Variants in SHISA9 observed in about 807,000 individuals in gnomAD.
SHISA9 encodes protein shisa-9.
Under a neutral mutation model 38.0 loss-of-function variants are expected in SHISA9, and 13 were observed. The ratio of observed to expected loss-of-function variants is 0.34; its 90% CI spans 0.22 to 0.54. SHISA9 has a LOEUF of 0.54. Ranked by LOEUF, SHISA9 falls within the 20% of genes least tolerant of loss-of-function variation. The pLI, the probability that SHISA9 is intolerant of heterozygous loss-of-function variation, is 0.91. For synonymous variants in SHISA9, 275 were observed against 242.0 expected (o/e 1.14, Z -1.27); for missense variants, 538 against 575.8 (o/e 0.93, Z 0.67).
At chr16:13,311,554 A>G in the SHISA9 span, among the ~76,000 whole-genome samples, 1 of 152,194 alleles carries the variant, frequency 6.6e-6, no homozygotes, top group Non-Finnish European at 1.5e-5. Flanking sequence ...GCTTGGGCTG[A>G]GTAATGTTGA....
chr16:12,913,239 C>T (rs1485676536), intron 1 of SHISA9, among the ~76,000 whole-genome samples: 1 of 152,036 alleles, frequency 6.6e-6, no homozygotes, highest in Non-Finnish European at 1.5e-5. Context: ...TCTTGTTGCC[C>T]AGCCTGGAGT....
intron 2 of SHISA9, among the ~76,000 whole-genome samples, chr16:13,171,280 C>T (rs2050683787): frequency 6.6e-6 from 1 of 152,160 alleles, no homozygotes; most frequent in African/African-American, 2.4e-5. Flanking sequence ...GGCCCCACCC[C>T]CAACACTGGG....
At chr16:12,936,456 T>A (rs1430193088) in intron 2 of SHISA9, among the ~76,000 whole-genome samples, 1 of 152,146 alleles carries the variant, frequency 6.6e-6, no homozygotes, top group Non-Finnish European at 1.5e-5. Flanking sequence ...AGTTCAGGGA[T>A]GGGAGAAGGG....
At chr16:13,461,471 C>T in the SHISA9 span, among the ~76,000 whole-genome samples, 6 of 151,826 alleles carry the variant, frequency 4.0e-5, no homozygotes, top group African/African-American at 1.2e-4. Flanking sequence ...CCCAGCTACT[C>T]GTGAGGCTGA....
the SHISA9 span, among the ~76,000 whole-genome samples, chr16:13,532,374 G>T: frequency 1.3e-5 from 2 of 152,100 alleles, no homozygotes; most frequent in Admixed American, 6.6e-5. Flanking sequence ...AGTAAACTTT[G>T]GCAAAAATGA....
At chr16:13,199,851 C>T (rs1170839757) in intron 2 of SHISA9, among the ~76,000 whole-genome samples, 1 of 152,136 alleles carries the variant, frequency 6.6e-6, no homozygotes, top group Non-Finnish European at 1.5e-5. Flanking sequence ...TACTGTATAG[C>T]ACAATGAGCC....
chr16:12,935,068 C>T (rs1464100846), intron 2 of SHISA9, among the ~76,000 whole-genome samples: 3 of 152,108 alleles, frequency 2.0e-5, no homozygotes, highest in Non-Finnish European at 4.4e-5. Flanking sequence ...ACTTGACGGT[C>T]TGATTGGTCC....
At chr16:13,321,339 T>C in the SHISA9 span, among the ~76,000 whole-genome samples, 1 of 152,206 alleles carries the variant, frequency 6.6e-6, no homozygotes, top group African/African-American at 2.4e-5. Context: ...AGCATGTCAA[T>C]AAATGAATGA....
chr16:13,381,364 C>T, the SHISA9 span, among the ~76,000 whole-genome samples: 1 of 152,146 alleles, frequency 6.6e-6, no homozygotes, highest in Non-Finnish European at 1.5e-5. Context: ...TTCTAGTGTT[C>T]TGTGGAGACT....
In SHISA9 at chr16:12,977,610, T is replaced by A. The variant is rs148626948; in HGVS notation, c.691+60795T>A. ...GACTGGATAAAGAAAATGTGGTACC[T>A]GTCACCATGGAAAATACTATGCAGC... On this transcript the variant is annotated intron_variant, in intron 2 of 4. Coordinates refer to ENST00000558583, the MANE Select transcript of SHISA9 (RefSeq NM_001145204.3). Among the ~76,000 whole-genome samples, 1,413 of 152,288 alleles carry A rather than the reference T, an allele frequency of 9.3e-3. 23 individuals carry two copies. Among genetic ancestry groups the A allele is most frequent in the Non-Finnish European group, 0.011 (768 of 68,026 alleles).
chr16:13,156,427 G>T (rs1235667930), intron 2 of SHISA9, among the ~76,000 whole-genome samples: 1 of 152,122 alleles, frequency 6.6e-6, no homozygotes, highest in African/African-American at 2.4e-5. Flanking sequence ...AGGTGCAATT[G>T]TATACACATA....
At chr16:13,493,029 A>G in the SHISA9 span, among the ~76,000 whole-genome samples, 1 of 152,096 alleles carries the variant, frequency 6.6e-6, no homozygotes, top group Admixed American at 6.6e-5. Flanking sequence ...GATCTGAATT[A>G]TTTTTCTAAG....
chr16:13,444,091 T>TTAGA, the SHISA9 span, among the ~76,000 whole-genome samples: 115,998 of 151,696 alleles, frequency 0.76, 44,494 homozygotes, highest in Admixed American at 0.84. Context: ...CTGTTAAATA[T>TTAGA]TAGAAAATAT....
intron 1 of SHISA9, chr16:12,910,718 T>C: frequency 1.0e-6 from 1 of 985,240 alleles, no homozygotes; most frequent in Non-Finnish European, 1.2e-6. Context: ...TAGCTTCTTC[T>C]TCAGGTAACT....
At chr16:13,394,707 A>G in the SHISA9 span, among the ~76,000 whole-genome samples, 3 of 152,186 alleles carry the variant, frequency 2.0e-5, no homozygotes, top group African/African-American at 2.4e-5. Flanking sequence ...TCCACACCAT[A>G]GCACTTAGGA....
chr16:12,961,962 G>C (rs1052856988), intron 2 of SHISA9, among the ~76,000 whole-genome samples: 1 of 152,154 alleles, frequency 6.6e-6, no homozygotes, highest in Non-Finnish European at 1.5e-5. Context: ...CCTCGGGCCT[G>C]GTAAGAATAA....
the SHISA9 span, among the ~76,000 whole-genome samples, chr16:13,384,610 G>A: frequency 6.6e-6 from 1 of 152,146 alleles, no homozygotes; most frequent in Non-Finnish European, 1.5e-5. Context: ...TTCAGGGTGG[G>A]GAGACAGCAA....
chr16:13,146,353 C>T (rs766202861), intron 2 of SHISA9, among the ~76,000 whole-genome samples: 18 of 152,058 alleles, frequency 1.2e-4, no homozygotes, highest in Non-Finnish European at 1.9e-4. Context: ...AGGTGCATAG[C>T]TTTTATTTTT....
At chr16:13,469,775 A>G in the SHISA9 span, among the ~76,000 whole-genome samples, 4 of 149,366 alleles carry the variant, frequency 2.7e-5, no homozygotes, top group African/African-American at 9.9e-5. Flanking sequence ...GTATGAGATA[A>G]CTTCAGAAAT....
Sources: allele counts gnomAD v4.1 joint callset (sites outside exome capture counted in the v4.1 genomes callset), GRCh38; gene constraint gnomAD v4.1.1; transcripts MANE v1.5; gene names NCBI Gene and HGNC (gene_info 2026-07-23, HGNC 2026-07-21).